Variants in KCNH7 observed in about 807,000 individuals in gnomAD.
KCNH7 encodes the protein voltage-gated inwardly rectifying potassium channel KCNH7.
Under a neutral mutation model 120.8 loss-of-function variants are expected in KCNH7, and 49 were observed. The ratio of observed to expected loss-of-function variants is 0.41; its 90% confidence interval spans 0.32 to 0.51. The LOEUF is 0.51. Among genes scored for constraint, KCNH7 ranks in the 20% least tolerant of loss-of-function variants. The pLI is 0.38. For synonymous variants in KCNH7, 547 were observed against 516.1 expected (o/e 1.06, Z -0.81); for missense variants, 1,097 against 1,446.6 (o/e 0.76, Z 3.92).
At chr2:162,771,334 C>T (rs1683047306) in intron 2 of KCNH7, among the ~76,000 whole-genome samples, 1 of 152,076 alleles carries the variant, frequency 6.6e-6, no homozygotes, top group African/African-American at 2.4e-5. Context: ...TAATATTATT[C>T]ATGTATTTGC....
chr2:162,730,352 A>G (rs1457750276), intron 2 of KCNH7, among the ~76,000 whole-genome samples: 1 of 151,302 alleles, frequency 6.6e-6, no homozygotes, highest in Non-Finnish European at 1.5e-5. Context: ...ATTAAAAATT[A>G]CATACTAGAT....
chr2:162,742,782 A>G (rs1688182494), intron 2 of KCNH7, among the ~76,000 whole-genome samples: 1 of 152,244 alleles, frequency 6.6e-6, no homozygotes, highest in Non-Finnish European at 1.5e-5. Context: ...TAGCAAAGAT[A>G]CATATCTTGC....
chr2:162,720,571 A>T (rs1389181661), intron 2 of KCNH7, among the ~76,000 whole-genome samples: 1 of 151,924 alleles, frequency 6.6e-6, no homozygotes, highest in Non-Finnish European at 1.5e-5. Context: ...CACACAATTT[A>T]AAAATAATAA....
chr2:162,428,272 C>A (rs1687932110), intron 8 of KCNH7, among the ~76,000 whole-genome samples: 1 of 151,762 alleles, frequency 6.6e-6, no homozygotes, highest in Admixed American at 6.6e-5. Context: ...CTATTTGGAA[C>A]CTATTTCTAA....
chr2:162,394,065 C>T (rs1350188440), intron 12 of KCNH7, among the ~76,000 whole-genome samples: 2 of 151,940 alleles, frequency 1.3e-5, no homozygotes, highest in Non-Finnish European at 2.9e-5. Context: ...AGAGGATTGA[C>T]CTCTTGGCTT....
At chr2:162,760,829 C>T (rs922347997) in intron 2 of KCNH7, among the ~76,000 whole-genome samples, 1 of 152,056 alleles carries the variant, frequency 6.6e-6, no homozygotes. Flanking sequence ...GTCTTTTGAA[C>T]AGCACACGTA....
At chr2:162,478,500 T>C (rs1221993876) in intron 6 of KCNH7, among the ~76,000 whole-genome samples, 5 of 152,196 alleles carry the variant, frequency 3.3e-5, no homozygotes, top group African/African-American at 1.2e-4. Flanking sequence ...GTGATTCTTC[T>C]AATGTTATTC....
intron 2 of KCNH7, among the ~76,000 whole-genome samples, chr2:162,649,486 A>T (rs552720801): frequency 3.3e-5 from 5 of 152,220 alleles, no homozygotes; most frequent in Non-Finnish European, 7.4e-5. Context: ...TTAAATATTA[A>T]CTCTCTCCTG....
At chr2:162,818,319 T>A (rs1684987090) in intron 2 of KCNH7, among the ~76,000 whole-genome samples, 1 of 152,066 alleles carries the variant, frequency 6.6e-6, no homozygotes, top group Non-Finnish European at 1.5e-5. Context: ...TTATTTATTC[T>A]CATATATTTT....
At position 162,650,842 on chromosome 2, in the gene KCNH7, T is replaced by C. The variant is rs566457276; in HGVS notation, c.308-113762A>G. Among the ~76,000 whole-genome samples the C allele has an allele frequency of 1.2e-4, 18 of 152,246 alleles. No individual in the cohort carries two copies. In the South Asian group the frequency reaches 3.7e-3, roughly 32 times the overall value. ...AGGCATTCCACCAATATTCAGTAAG[T>C]GACTGAGTAAATAAACAGAAGAGCC... On this transcript the variant is annotated intron_variant, in intron 2 of 15. Coordinates refer to ENST00000332142, the MANE Select transcript of KCNH7 (RefSeq NM_033272.4).
chr2:162,614,941 A>G (rs1320426907), intron 2 of KCNH7, among the ~76,000 whole-genome samples: 1 of 152,040 alleles, frequency 6.6e-6, no homozygotes, highest in African/African-American at 2.4e-5. Flanking sequence ...TCATTATTTA[A>G]AAAGAAAAAG....
intron 2 of KCNH7, among the ~76,000 whole-genome samples, chr2:162,711,182 C>A (rs529063823): frequency 1.3e-5 from 2 of 152,354 alleles, no homozygotes; most frequent in African/African-American, 4.8e-5. Flanking sequence ...AATAGTCTTG[C>A]CCCTGTTTTA....
chr2:162,806,090 C>T (rs557290224), intron 2 of KCNH7, among the ~76,000 whole-genome samples: 16 of 151,832 alleles, frequency 1.1e-4, no homozygotes, highest in East Asian at 3.9e-4. Flanking sequence ...GGAGGGGGCA[C>T]GGTGGGAGGG....
At chr2:162,407,907 C>G (rs1444388911) in intron 9 of KCNH7, among the ~76,000 whole-genome samples, 2 of 152,028 alleles carry the variant, frequency 1.3e-5, no homozygotes, top group Non-Finnish European at 2.9e-5. Flanking sequence ...AAAATACCAT[C>G]TTGAACTTGA....
At chr2:162,568,539 T>C (rs993603370) in intron 2 of KCNH7, among the ~76,000 whole-genome samples, 1 of 152,184 alleles carries the variant, frequency 6.6e-6, no homozygotes, top group East Asian at 1.9e-4. Context: ...TGATTAAATA[T>C]ACAAATATTA....
intron 2 of KCNH7, among the ~76,000 whole-genome samples, chr2:162,656,709 T>G (rs2105269861): frequency 6.6e-6 from 1 of 152,270 alleles, no homozygotes; most frequent in South Asian, 2.1e-4. Flanking sequence ...GAAAACAAAG[T>G]TTTGCAATAT....
chr2:162,708,107 T>C (rs1686784119), intron 2 of KCNH7, among the ~76,000 whole-genome samples: 3 of 152,086 alleles, frequency 2.0e-5, no homozygotes, highest in African/African-American at 4.8e-5. Context: ...TACAATGTAA[T>C]ACCCATAGTG....
intron 6 of KCNH7, among the ~76,000 whole-genome samples, chr2:162,487,339 AAAG>A (rs1466495164): frequency 6.6e-6 from 1 of 152,214 alleles, no homozygotes; most frequent in Non-Finnish European, 1.5e-5. Flanking sequence ...TACAGAATGA[AAAG>A]GTTGTGCTAT....
In KCNH7 at chr2:162,836,652, G is replaced by T. The variant is rs1223961668; in HGVS notation, c.192C>A (p.Cys64Ter). 6.2e-7 allele frequency: 1 copy of T among 1,614,112 alleles called. No individual in the cohort carries two copies. ...CGGGTCCATGGAGAAAGTCGCAGGT[G>T]CATGGCTTTTGCATGACATCTGGCC... ...FSRPDVMQKP[C>*]TCDFLHGPET... The change falls in exon 2 of 16, where the codon TGC becomes TGA. Residue 64 changes from cysteine to a stop codon, truncating the protein, a stop_gained. Transcript: ENST00000332142. LOFTEE classifies it high-confidence loss of function.
Sources: gnomAD v4.1 joint callset for allele counts (sites outside exome capture counted in the v4.1 genomes callset) on GRCh38, gnomAD v4.1.1 for gene constraint, MANE v1.5 for transcripts, NCBI Gene and HGNC (gene_info 2026-07-23, HGNC 2026-07-21) for gene names.